Variants in TMEM132B observed in about 807,000 individuals in gnomAD.
The protein encoded by TMEM132B is transmembrane protein 132B.
In TMEM132B, 18 loss-of-function variants were observed where a neutral mutation model predicts 90.8. The observed-to-expected ratio is 0.20, with a 90% CI of 0.14 to 0.29. The LOEUF is 0.29. TMEM132B is among the 10% of genes least tolerant of loss of function. The pLI is 1.00. For missense variants in TMEM132B, 1,096 were observed against 1,326.8 expected (o/e 0.83, Z 2.70); for synonymous variants, 504 against 523.3 (o/e 0.96, Z 0.50).
chr12:125,626,386 C>T (rs1315534151), intron 5 of TMEM132B, among the ~76,000 whole-genome samples: 1 of 152,136 alleles, frequency 6.6e-6, no homozygotes, highest in South Asian at 2.1e-4. Flanking sequence ...GATTTCCTTT[C>T]CTTTGGGAAT....
At chr12:125,336,974 T>C (rs1349912407) in intron 1 of TMEM132B, among the ~76,000 whole-genome samples, 1 of 152,186 alleles carries the variant, frequency 6.6e-6, no homozygotes, top group Admixed American at 6.5e-5. Flanking sequence ...TCATCAAAAT[T>C]TCCTACTGTT....
intron 2 of TMEM132B, among the ~76,000 whole-genome samples, chr12:125,414,691 A>G (rs1215569991): frequency 1.3e-5 from 2 of 152,192 alleles, no homozygotes; most frequent in African/African-American, 4.8e-5. Flanking sequence ...GTTAAGACAT[A>G]GTAAGCAGTG....
chr12:125,476,652 G>A (rs964765829), intron 3 of TMEM132B, among the ~76,000 whole-genome samples: 9 of 152,312 alleles, frequency 5.9e-5, no homozygotes, highest in African/African-American at 1.9e-4. Context: ...GCTAATATGA[G>A]TTGCTAATAT....
At chr12:125,385,658 G>T (rs1270797813) in intron 2 of TMEM132B, among the ~76,000 whole-genome samples, 2 of 152,190 alleles carry the variant, frequency 1.3e-5, no homozygotes, top group African/African-American at 4.8e-5. Context: ...CATGTACTTT[G>T]TAAGTAGGTT....
chr12:125,259,760 C>A (rs769899144), intron 1 of TMEM132B, among the ~76,000 whole-genome samples: 1 of 152,136 alleles, frequency 6.6e-6, no homozygotes, highest in Non-Finnish European at 1.5e-5. Flanking sequence ...AGGCAGCACA[C>A]GAGGACTTAA....
At chr12:125,566,383 T>C (rs1452761222) in intron 4 of TMEM132B, among the ~76,000 whole-genome samples, 3 of 152,220 alleles carry the variant, frequency 2.0e-5, no homozygotes, top group African/African-American at 7.2e-5. Context: ...GTTATGAGTA[T>C]TGAATGAATA....
At chr12:125,354,279 G>C (rs1877691112) in intron 2 of TMEM132B, among the ~76,000 whole-genome samples, 1 of 152,218 alleles carries the variant, frequency 6.6e-6, no homozygotes. Context: ...TCAGCCCATA[G>C]AGGTGTGCCT....
chr12:125,573,558 C>T (rs980172823), intron 4 of TMEM132B, among the ~76,000 whole-genome samples: 16 of 152,090 alleles, frequency 1.1e-4, no homozygotes, highest in African/African-American at 3.4e-4. Flanking sequence ...AATAATGTGC[C>T]GAAAGTTACT....
intron 5 of TMEM132B, among the ~76,000 whole-genome samples, chr12:125,628,498 A>AT (rs926382622): frequency 3.3e-5 from 5 of 151,980 alleles, no homozygotes; most frequent in East Asian, 1.9e-4. Context: ...GAATTATTCA[A>AT]TTTTTTTCCA....
Position 125,654,713 on chromosome 12 carries a change from TC to T in TMEM132B, c.*5del. On this transcript the variant is annotated 3_prime_UTR_variant, in exon 9 of 9. Transcript: ENST00000682704. This position sits in a 1 kb window ranked among gnomAD's most constrained non-coding sequence, Gnocchi z 5.8. ...AAAGTCTGCAAGACCAGATGTAAAC[TC>T]CTTTCTTATGTTTGTATTCACCTTT... 1 of 1,607,324 alleles carries T rather than the reference TC, an allele frequency of 6.2e-7. No homozygotes were observed. The highest frequency in any genetic ancestry group is 8.5e-7 in the Non-Finnish European group (1 of 1,176,372).
Position 125,569,594 on chromosome 12 carries a change from CTTGGT to C in TMEM132B, c.1294-14255_1294-14251del, listed in dbSNP as rs144864527. Among the ~76,000 whole-genome samples, 639 of 152,212 alleles carry C rather than the reference CTTGGT, an allele frequency of 4.2e-3. 1 individual carries two copies. Among genetic ancestry groups the C allele is most frequent in the African/African-American group, 0.015 (628 of 41,520 alleles). The stretch of plus-strand genomic sequence containing the variant: ...AGGGGACATGGATATTTTTAGAGCT[CTTGGT>C]TAAGACTCTTCTGGTGGTAACAGAA... On this transcript the variant is annotated intron_variant, in intron 4 of 8. Transcript: ENST00000682704.
At chr12:125,566,325 C>A (rs898547900) in intron 4 of TMEM132B, among the ~76,000 whole-genome samples, 5 of 152,160 alleles carry the variant, frequency 3.3e-5, no homozygotes, top group African/African-American at 1.2e-4. Context: ...ATTTCTTATT[C>A]TGTTTCCTGT....
intron 2 of TMEM132B, among the ~76,000 whole-genome samples, chr12:125,354,112 G>A (rs952905443): frequency 6.6e-6 from 1 of 152,148 alleles, no homozygotes; most frequent in Non-Finnish European, 1.5e-5. Context: ...TGGAGTTAAA[G>A]CGACAGGAGA....
chr12:125,273,619 A>G (rs1390204035), intron 1 of TMEM132B, among the ~76,000 whole-genome samples: 1 of 152,170 alleles, frequency 6.6e-6, no homozygotes, highest in Non-Finnish European at 1.5e-5. Flanking sequence ...TTTCTTTTAC[A>G]TAGGGTAAAA....
intron 3 of TMEM132B, among the ~76,000 whole-genome samples, chr12:125,450,089 G>A (rs185582120): frequency 6.6e-6 from 1 of 152,290 alleles, no homozygotes. Flanking sequence ...ATATGTACAT[G>A]TATATTTTTA....
chr12:125,434,537 G>A (rs4417360), intron 3 of TMEM132B, among the ~76,000 whole-genome samples: 4 of 152,110 alleles, frequency 2.6e-5, no homozygotes, highest in African/African-American at 9.6e-5. Context: ...GGGGGAAGCC[G>A]GGGCCTCCCT....
At chr12:125,341,841 G>T (rs7294339) in intron 1 of TMEM132B, among the ~76,000 whole-genome samples, 48,762 of 152,062 alleles carry the variant, frequency 0.32, 8,023 homozygotes, top group South Asian at 0.44. Context: ...TAGTTGATGA[G>T]GTAGCGTGTT....
Position 125,654,774 on chromosome 12 carries a change from T to A in TMEM132B, c.*64T>A, listed in dbSNP as rs900666172. ...GTTTTTTGAATGCTGGAGCAGTGAG[T>A]TTGATCAGCAATAGGGGATGATTTA... is the stretch of plus-strand genomic sequence containing the variant. On this transcript the variant is annotated 3_prime_UTR_variant, in exon 9 of 9. Coordinates refer to ENST00000682704, the MANE Select transcript of TMEM132B (RefSeq NM_001366854.1). The surrounding 1 kb of genome is among the most constrained non-coding windows in gnomAD (Gnocchi z 5.8). The A allele has an allele frequency of 2.6e-6, 4 of 1,536,414 alleles. No individual in the cohort carries two copies. In the Admixed American group the frequency reaches 7.5e-5, roughly 29 times the overall value.
intron 5 of TMEM132B, among the ~76,000 whole-genome samples, chr12:125,635,477 T>C (rs1270375942): frequency 6.6e-6 from 1 of 152,240 alleles, no homozygotes; most frequent in Non-Finnish European, 1.5e-5. Flanking sequence ...AAACTCATCC[T>C]TTCTTATGCC....
Sources: gnomAD v4.1 joint callset for allele counts (sites outside exome capture counted in the v4.1 genomes callset) on GRCh38, gnomAD v4.1.1 for gene constraint, Gnocchi (gnomAD v3.1) non-coding constraint, MANE v1.5 for transcripts, NCBI Gene and HGNC (gene_info 2026-07-23, HGNC 2026-07-21) for gene names.